Variants in FRAS1 observed in about 807,000 individuals in gnomAD.
FRAS1 encodes Fraser extracellular matrix complex subunit 1, also known as extracellular matrix organizing protein FRAS1.
In FRAS1, 290 loss-of-function variants were observed where a neutral mutation model predicts 435.2. That is an observed-to-expected ratio of 0.67 (90% CI 0.61 to 0.73). FRAS1 has a LOEUF of 0.73. Ranked by LOEUF, FRAS1 falls within the 30% of genes least tolerant of loss-of-function variation. The pLI, the probability that FRAS1 is intolerant of heterozygous loss-of-function variation, is 0.00. For synonymous variants in FRAS1, 1,800 were observed against 1,851.0 expected (o/e 0.97, Z 0.71); for missense variants, 4,860 against 5,001.5 (o/e 0.97, Z 0.85).
At position 78,180,897 on chromosome 4, in the gene FRAS1, T is replaced by C. The variant is rs1454077955; in HGVS notation, c.109-56613T>C. 1.1e-5 allele frequency: 17 copies of C among 1,603,688 alleles called. No individual in the cohort carries two copies. The Admixed American group carries it at 2.2e-4, about 20-fold the overall frequency. On this transcript the variant is annotated intron_variant, in intron 2 of 73. Transcript: ENST00000512123. ...CAGAACTGGGAATGCCTCTGGGTCA[T>C]CCACATCAGGAGCAGAAGTACTTGA...
intron 67 of FRAS1, among the ~76,000 whole-genome samples, chr4:78,520,312 TATTTCCCCAAACCC>T (rs1158333532): frequency 5.9e-5 from 9 of 151,616 alleles, no homozygotes; most frequent in Non-Finnish European, 8.8e-5. Flanking sequence ...ACCCCTAACC[TATTTCCCCAAACCC>T]ATTTCCCCTA....
At chr4:78,500,419 G>A (rs966123402) in intron 61 of FRAS1, among the ~76,000 whole-genome samples, 4 of 152,158 alleles carry the variant, frequency 2.6e-5, no homozygotes, top group African/African-American at 7.2e-5. Flanking sequence ...TGGCGTTCAG[G>A]TCATAGATCA....
At chr4:78,129,056 G>A (rs530186213) in intron 2 of FRAS1, among the ~76,000 whole-genome samples, 1 of 152,300 alleles carries the variant, frequency 6.6e-6, no homozygotes, top group Admixed American at 6.5e-5. Flanking sequence ...TCAAAGATCA[G>A]ATAGTTGTAG....
intron 2 of FRAS1, among the ~76,000 whole-genome samples, chr4:78,152,193 G>A (rs1056406427): frequency 1.3e-5 from 2 of 152,166 alleles, no homozygotes; most frequent in African/African-American, 2.4e-5. Flanking sequence ...GTTGACATCT[G>A]TGAATAAATT....
intron 2 of FRAS1, among the ~76,000 whole-genome samples, chr4:78,204,897 T>C (rs1723193486): frequency 6.6e-6 from 1 of 152,190 alleles, no homozygotes; most frequent in Non-Finnish European, 1.5e-5. Context: ...TTTTTTCGTA[T>C]ATTTTTGGGG....
chr4:78,325,073 T>A (rs1028416100), intron 18 of FRAS1, among the ~76,000 whole-genome samples: 1 of 152,208 alleles, frequency 6.6e-6, no homozygotes, highest in African/African-American at 2.4e-5. Flanking sequence ...TAAAAAAGAA[T>A]GCAGAGATAA....
chr4:78,282,916 G>A lies in FRAS1; in HGVS notation c.1204G>A (p.Gly402Ser). 4 of 1,610,986 alleles carry A rather than the reference G, an allele frequency of 2.5e-6. No homozygotes were observed. The highest frequency in any genetic ancestry group is 3.4e-6 in the Non-Finnish European group (4 of 1,178,822). ...GCCCTCTTGCCCACCATGTCCAGTG[G>A]GCACACTGGCCTTAGAGGTGAAGGG... is the stretch of plus-strand genomic sequence containing the variant. ...YEPSCPPCPV[G>S]TLALEVKGQC... Residue 402 changes from glycine (G) to serine (S), a missense_variant, in exon 12 of 74, where the codon GGC (glycine) becomes AGC (serine). Coordinates refer to ENST00000512123, the MANE Select transcript of FRAS1 (RefSeq NM_025074.7).
intron 58 of FRAS1, among the ~76,000 whole-genome samples, chr4:78,487,391 C>A (rs1720202950): frequency 6.6e-6 from 1 of 152,178 alleles, no homozygotes; most frequent in Non-Finnish European, 1.5e-5. Flanking sequence ...CTTATCACCC[C>A]TCCTCTCATT....
At chr4:78,240,237 A>G (rs1459876168) in intron 3 of FRAS1, among the ~76,000 whole-genome samples, 2 of 152,188 alleles carry the variant, frequency 1.3e-5, no homozygotes, top group Admixed American at 6.5e-5. Flanking sequence ...TTAGAAAAAA[A>G]GTATCTCTGG....
chr4:78,451,947 A>G (rs1719034465), intron 46 of FRAS1, 56 bp downstream of exon 46: 1 of 1,532,866 alleles, frequency 6.5e-7, no homozygotes, highest in Admixed American at 2.0e-5. Context: ...CTGAGGTTAT[A>G]TAGTTTACAC....
intron 2 of FRAS1, among the ~76,000 whole-genome samples, chr4:78,162,803 G>A (rs17003002): frequency 0.019 from 2,883 of 152,264 alleles, 95 homozygotes; most frequent in African/African-American, 0.064. Flanking sequence ...TGTTTTTCCT[G>A]AAAAGAAGGT....
intron 2 of FRAS1, among the ~76,000 whole-genome samples, chr4:78,127,284 A>C (rs555459834): frequency 1.3e-5 from 2 of 152,300 alleles, no homozygotes; most frequent in African/African-American, 4.8e-5. Context: ...ATGAGCCTAA[A>C]ACGATAATCC....
intron 15 of FRAS1, 22 bp from the exon 16 acceptor site, chr4:78,315,572 T>A: frequency 6.3e-7 from 1 of 1,595,862 alleles, no homozygotes; most frequent in South Asian, 1.1e-5. Context: ...CTTTCTCTGA[T>A]GGGTTTTTTG....
chr4:78,304,531 C>T (rs1321397455), intron 14 of FRAS1, among the ~76,000 whole-genome samples: 1 of 152,080 alleles, frequency 6.6e-6, no homozygotes, highest in Non-Finnish European at 1.5e-5. Flanking sequence ...TGATTATTGC[C>T]ACAATTTCAG....
chr4:78,486,830 ATTTTT>A (rs67268640), intron 58 of FRAS1, among the ~76,000 whole-genome samples: 64 of 123,524 alleles, frequency 5.2e-4, no homozygotes, highest in African/African-American at 1.2e-3. Context: ...CTCTCTCTCT[ATTTTT>A]TTTTTTTTTT....
At chr4:78,410,246 G>A (rs1330188351) in intron 31 of FRAS1, among the ~76,000 whole-genome samples, 1 of 152,084 alleles carries the variant, frequency 6.6e-6, no homozygotes, top group African/African-American at 2.4e-5. Context: ...ATATTTGATT[G>A]CTTTTGTAAT....
At chr4:78,339,251 T>C (rs1473330394) in intron 20 of FRAS1, among the ~76,000 whole-genome samples, 4 of 152,208 alleles carry the variant, frequency 2.6e-5, no homozygotes, top group South Asian at 2.1e-4. Flanking sequence ...CTTTAAGATA[T>C]GGAGGAGCAG....
At chr4:78,487,085 C>T (rs1720193507) in intron 58 of FRAS1, among the ~76,000 whole-genome samples, 1 of 152,068 alleles carries the variant, frequency 6.6e-6, no homozygotes, top group East Asian at 1.9e-4. Flanking sequence ...TTGCTTTTTC[C>T]CTGGCAACAA....
At chr4:78,142,023 A>G (rs551069542) in intron 2 of FRAS1, among the ~76,000 whole-genome samples, 1 of 152,106 alleles carries the variant, frequency 6.6e-6, no homozygotes, top group Admixed American at 6.5e-5. Context: ...GACTACAAAT[A>G]TGGTGCAGTG....
Sources: gnomAD v4.1 joint callset for allele counts (sites outside exome capture counted in the v4.1 genomes callset) on GRCh38, gnomAD v4.1.1 for gene constraint, MANE v1.5 for transcripts, NCBI Gene and HGNC (gene_info 2026-07-23, HGNC 2026-07-21) for gene names.